Variants in KLHDC4 observed in about 807,000 individuals in gnomAD.
KLHDC4 encodes kelch domain-containing protein 4.
Under a neutral mutation model 62.4 loss-of-function variants are expected in KLHDC4, and 90 were observed. That is an observed-to-expected ratio of 1.44 (90% confidence interval 1.22 to 1.72). KLHDC4 has a LOEUF of 1.72. Among genes scored for constraint, KLHDC4 ranks in the 40% most tolerant of loss-of-function variants. The pLI, the probability that KLHDC4 is intolerant of heterozygous loss-of-function variation, is 0.00. For missense variants in KLHDC4, 1,025 were observed against 699.7 expected (o/e 1.47, Z -5.25); for synonymous variants, 386 against 284.4 (o/e 1.36, Z -3.59).
At chr16:87,721,523 G>A (rs937192353) in intron 7 of KLHDC4, among the ~76,000 whole-genome samples, 6 of 151,236 alleles carry the variant, frequency 4.0e-5, no homozygotes, top group Admixed American at 1.3e-4. Flanking sequence ...TCCCCAGCAC[G>A]AGACAAGCTG....
chr16:87,702,634 C>T (rs946542122), upstream of KLHDC4: 2 of 225,248 alleles, frequency 8.9e-6, no homozygotes, highest in East Asian at 2.0e-4. Flanking sequence ...CAGAGCCCGG[C>T]GGAGAAAAAA....
chr16:87,765,636 C>A (rs1376949550), intron 1 of KLHDC4, among the ~76,000 whole-genome samples, 156 bp downstream of exon 1: 1 of 152,090 alleles, frequency 6.6e-6, no homozygotes, highest in Non-Finnish European at 1.5e-5. Context: ...TCTGGGCTGC[C>A]CGGACGCGGC....
intron 8 of KLHDC4, 124 bp downstream of exon 8, chr16:87,714,374 G>A (rs1189358572): frequency 2.7e-6 from 3 of 1,123,364 alleles, no homozygotes; most frequent in Non-Finnish European, 3.4e-6. Context: ...ATCTCGGCAG[G>A]CCCTCCGCTC....
Position 87,755,256 on chromosome 16 carries a change from T to C in KLHDC4, c.307A>G (p.Arg103Gly). ...LYNELYVYNT[R>G]KDTWTKVDIP... is the part of the protein sequence containing the mutation. The stretch of plus-strand genomic sequence containing the variant: ...TCAACTTTGGTCCAGGTGTCCTTTC[T>C]GGTATTGTAGACATAGAGCTCGTTA... Residue 103 changes from arginine (R) to glycine (G), a missense_variant, in exon 4 of 12, where the codon AGA (arginine) becomes GGA (glycine). By Grantham distance (125) the Arg-to-Gly change is moderately radical (BLOSUM62 -2). Transcript: ENST00000270583. 6.2e-7 allele frequency: 1 copy of C among 1,610,968 alleles called. No homozygotes were observed. Among genetic ancestry groups the C allele is most frequent in the South Asian group, 1.1e-5 (1 of 91,006 alleles).
chr16:87,719,151 C>T (rs1273550762), intron 7 of KLHDC4, among the ~76,000 whole-genome samples: 1 of 152,120 alleles, frequency 6.6e-6, no homozygotes, highest in African/African-American at 2.4e-5. Flanking sequence ...TCCCGGCCGC[C>T]ACCCCGTCTG....
chr16:87,713,988 CGGT>C (rs951728229), intron 8 of KLHDC4, among the ~76,000 whole-genome samples: 2 of 152,152 alleles, frequency 1.3e-5, no homozygotes, highest in African/African-American at 4.8e-5. Context: ...ATAGCAGTCT[CGGT>C]GATGACTTCT....
intron 1 of KLHDC4, 84 bp from the exon 2 acceptor site, chr16:87,762,124 G>A (rs1336833608): frequency 1.3e-6 from 2 of 1,574,470 alleles, no homozygotes; most frequent in South Asian, 1.2e-5. Context: ...CCTCCAATCA[G>A]TGTGATTCGA....
In KLHDC4 at chr16:87,709,146, G is replaced by C. The variant is rs563169717; in HGVS notation, c.1447+119C>G. The C allele has an allele frequency of 6.1e-5, 79 of 1,293,194 alleles. No homozygotes were observed. The African/African-American group carries it at 1.1e-3, about 18-fold the overall frequency. 80.1% of individuals were successfully genotyped at this position (1,293,194 alleles called of 1,614,324 possible). On this transcript the variant is annotated intron_variant, in intron 10 of 11. Transcript: ENST00000270583. ...TCTGACCGTGGAGGCAGGAGCACAG[G>C]CGAGAAGTGTCGGCACAGGCCGCCT...
intron 7 of KLHDC4, among the ~76,000 whole-genome samples, chr16:87,715,335 C>A (rs1023954355): frequency 1.3e-5 from 2 of 152,196 alleles, no homozygotes; most frequent in African/African-American, 4.8e-5. Flanking sequence ...AGCTCTCACA[C>A]GCCCACACCA....
chr16:87,745,169 C>T (rs888571392), intron 5 of KLHDC4, among the ~76,000 whole-genome samples: 9 of 152,184 alleles, frequency 5.9e-5, no homozygotes, highest in Admixed American at 1.3e-4. Context: ...ACCCACTGAG[C>T]GGTGGGGGCA....
In KLHDC4 at chr16:87,708,379, C is replaced by T; in HGVS notation, c.1535G>A (p.Ser512Asn). 3 of 1,610,474 alleles carry T rather than the reference C, an allele frequency of 1.9e-6. No homozygotes were observed. The highest frequency in any genetic ancestry group is 2.5e-6 in the Non-Finnish European group (3 of 1,179,016). Residue 512 changes from serine (S) to asparagine (N), a missense_variant, in exon 11 of 12, where the codon AGC becomes AAC. By Grantham distance (46) the Ser-to-Asn change is conservative. Coordinates refer to ENST00000270583, the MANE Select transcript of KLHDC4 (RefSeq NM_017566.4). ...GTCCTCCGCACCGCTCTCCTCTCCG[C>T]TGTCTTCGTCGTCGACCCCACCCTC... is the stretch of plus-strand genomic sequence containing the variant. ...GAEGGVDDED[S>N]GEESGAED
chr16:87,752,405 G>C (rs1235960479), intron 4 of KLHDC4, among the ~76,000 whole-genome samples: 1 of 148,292 alleles, frequency 6.7e-6, no homozygotes, highest in African/African-American at 2.5e-5. Flanking sequence ...GCGTGATCTT[G>C]GCTCACTGCA....
At chr16:87,760,234 T>TAA (rs559070076) in intron 2 of KLHDC4, among the ~76,000 whole-genome samples, 2 of 109,936 alleles carry the variant, frequency 1.8e-5, no homozygotes, top group Admixed American at 9.5e-5. Flanking sequence ...AAAATATCAT[T>TAA]AAAAAAAAAA....
intron 8 of KLHDC4, among the ~76,000 whole-genome samples, chr16:87,713,368 C>T (rs1271728240): frequency 2.0e-5 from 3 of 151,002 alleles, no homozygotes; most frequent in South Asian, 2.1e-4. Flanking sequence ...CACCTGGCTA[C>T]GTTTTTTTTT....
intron 5 of KLHDC4, among the ~76,000 whole-genome samples, chr16:87,735,921 T>C (rs983916714): frequency 9.2e-5 from 14 of 152,214 alleles, no homozygotes; most frequent in African/African-American, 3.4e-4. Flanking sequence ...CAGAAAACTC[T>C]ACATGCTTAG....
intron 7 of KLHDC4, among the ~76,000 whole-genome samples, chr16:87,724,956 G>C (rs912559327): frequency 2.6e-5 from 4 of 152,152 alleles, no homozygotes; most frequent in African/African-American, 9.7e-5. Flanking sequence ...AACAGCCCAG[G>C]TGTCCAACGA....
chr16:87,739,758 C>T (rs1355268888), intron 5 of KLHDC4: 2 of 152,334 alleles, frequency 1.3e-5, no homozygotes, highest in Non-Finnish European at 2.9e-5. Context: ...GTCACAGAGG[C>T]CACGTGTTTT....
At chr16:87,744,988 C>CGCAGGTGCACACACGTGTA (rs10652676) in intron 5 of KLHDC4, among the ~76,000 whole-genome samples, 1 of 151,814 alleles carries the variant, frequency 6.6e-6, no homozygotes, top group African/African-American at 2.4e-5. Context: ...TGCACACACG[C>CGCAGGTGCACACACGTGTA]GGTGCACACA....
chr16:87,756,535 T>C, intron 2 of KLHDC4, 58 bp from the exon 3 acceptor site: 3 of 1,248,190 alleles, frequency 2.4e-6, no homozygotes, highest in Non-Finnish European at 3.5e-6. Context: ...ACCTGAGCGC[T>C]GTCCCCTTCC....
Sources: allele counts gnomAD v4.1 joint callset (sites outside exome capture counted in the v4.1 genomes callset), GRCh38; gene constraint gnomAD v4.1.1; transcripts MANE v1.5; gene names NCBI Gene and HGNC (gene_info 2026-07-23, HGNC 2026-07-21).